FRMD4A: variants seen among roughly 807,000 people sequenced by gnomAD.
FRMD4A encodes FERM domain containing 4A, also known as FERM domain-containing protein 4A.
In FRMD4A, 29 loss-of-function variants were observed where a neutral mutation model predicts 129.1. The observed-to-expected ratio is 0.22, with a 90% CI of 0.17 to 0.31. The LOEUF is 0.31. Among genes scored for constraint, FRMD4A ranks in the 10% least tolerant of loss-of-function variants. The pLI is 1.00. For synonymous variants in FRMD4A, 634 were observed against 571.6 expected (o/e 1.11, Z -1.56); for missense variants, 1,272 against 1,375.8 (o/e 0.92, Z 1.19).
At chr10:14,086,449 T>A (rs1836282895) in intron 2 of FRMD4A, among the ~76,000 whole-genome samples, 1 of 152,248 alleles carries the variant, frequency 6.6e-6, no homozygotes, top group African/African-American at 2.4e-5. Flanking sequence ...CTTCATAGCT[T>A]ATTTTTTATA....
At chr10:13,964,607 T>C (rs889994048) in intron 2 of FRMD4A, among the ~76,000 whole-genome samples, 8 of 152,120 alleles carry the variant, frequency 5.3e-5, no homozygotes, top group Admixed American at 3.3e-4. Context: ...AAGATATTCA[T>C]GCATTCATTG....
At chr10:14,018,062 C>A (rs2095704707) in intron 2 of FRMD4A, among the ~76,000 whole-genome samples, 1 of 152,072 alleles carries the variant, frequency 6.6e-6, no homozygotes, top group Admixed American at 6.6e-5. Context: ...AATTTTAAAC[C>A]TCTATGGCAC....
intron 2 of FRMD4A, among the ~76,000 whole-genome samples, chr10:13,942,215 G>C (rs2095297614): frequency 6.6e-6 from 1 of 152,202 alleles, no homozygotes; most frequent in Admixed American, 6.5e-5. Flanking sequence ...AAATGAAACT[G>C]GGGAAGCCTC....
intron 2 of FRMD4A, among the ~76,000 whole-genome samples, chr10:14,159,464 T>G (rs1346693815): frequency 2.0e-5 from 3 of 152,094 alleles, no homozygotes; most frequent in African/African-American, 4.8e-5. Flanking sequence ...TGAAAGAAAC[T>G]GAAGAAGACA....
intron 2 of FRMD4A, among the ~76,000 whole-genome samples, chr10:14,288,177 C>A (rs2132071079): frequency 6.6e-6 from 1 of 152,218 alleles, no homozygotes; most frequent in Middle Eastern, 3.4e-3. Flanking sequence ...AGAGTTTAAT[C>A]AGGTTAGTTA....
chr10:13,920,534 G>A (rs2797867), intron 2 of FRMD4A, among the ~76,000 whole-genome samples: 138,913 of 152,276 alleles, frequency 0.91, 63,461 homozygotes, highest in Middle Eastern at 0.94. Flanking sequence ...CTTTGGTTGC[G>A]TACAAATTTG....
chr10:13,885,974 T>C (rs1387258450), intron 2 of FRMD4A, among the ~76,000 whole-genome samples: 1 of 152,092 alleles, frequency 6.6e-6, no homozygotes, highest in African/African-American at 2.4e-5. Context: ...GGCTGGCCAG[T>C]GGGAGTCGGG....
rs1267048697 is a variant in FRMD4A, at chr10:13,713,806, TAC to T, written c.760-6695_760-6694del. 1.8e-4 allele frequency among the ~76,000 whole-genome samples: 22 copies of T among 123,278 alleles called. 1 individual carries two copies. The highest frequency in any genetic ancestry group is 2.2e-4 in the Admixed American group (2 of 9,232). 80.9% of individuals were successfully genotyped at this position (123,278 alleles called of 152,430 possible). On this transcript the variant is annotated intron_variant, in intron 12 of 24. Coordinates refer to ENST00000357447, the MANE Select transcript of FRMD4A (RefSeq NM_018027.5). Reference sequence around the variant, plus strand: ...TATATATACATATATGTAATATATATACACATATATATAATATATATACATAT... The same window carrying T: ...TATATATACATATATGTAATATATATACATATATATAATATATATACATAT...
intron 4 of FRMD4A, among the ~76,000 whole-genome samples, chr10:13,796,871 C>T (rs1048315874): frequency 1.3e-5 from 2 of 152,152 alleles, no homozygotes; most frequent in East Asian, 3.9e-4. Context: ...AAGCATGAGC[C>T]ACCATGCCCG....
chr10:14,068,755 C>A (rs922816533), intron 2 of FRMD4A, among the ~76,000 whole-genome samples: 4 of 152,142 alleles, frequency 2.6e-5, no homozygotes, highest in African/African-American at 4.8e-5. Flanking sequence ...AAGACACTTA[C>A]TATATTAGGT....
intron 2 of FRMD4A, among the ~76,000 whole-genome samples, chr10:13,880,678 T>C (rs1000041669): frequency 1.3e-5 from 2 of 151,986 alleles, no homozygotes; most frequent in East Asian, 1.9e-4. Context: ...CCTCAGTGCC[T>C]TTGATGAATT....
chr10:13,750,294 G>A (rs2091551329), intron 8 of FRMD4A, among the ~76,000 whole-genome samples: 1 of 152,138 alleles, frequency 6.6e-6, no homozygotes, highest in Non-Finnish European at 1.5e-5. Context: ...GGTAAGGCCA[G>A]GACAGATCAA....
At chr10:14,131,396 G>GCCC (rs145039808) in intron 2 of FRMD4A, among the ~76,000 whole-genome samples, 37,165 of 147,842 alleles carry the variant, frequency 0.25, 4,939 homozygotes, top group East Asian at 0.45. Context: ...AACTCACTGT[G>GCCC]CCCCCCCCGG....
chr10:14,073,108 C>T (rs1445713445), intron 2 of FRMD4A, among the ~76,000 whole-genome samples: 2 of 152,214 alleles, frequency 1.3e-5, no homozygotes, highest in Admixed American at 1.3e-4. Context: ...TGCACCCTTA[C>T]CAGCTGTCCA....
intron 2 of FRMD4A, chr10:13,866,219 A>T (rs555804348): frequency 1.3e-6 from 1 of 763,974 alleles, no homozygotes; most frequent in Non-Finnish European, 1.6e-6. Context: ...CATCAGACAG[A>T]AAATTTAGAT....
At chr10:14,211,942 T>A (rs988612437) in intron 2 of FRMD4A, among the ~76,000 whole-genome samples, 8 of 152,208 alleles carry the variant, frequency 5.3e-5, no homozygotes, top group Non-Finnish European at 8.8e-5. Flanking sequence ...GGGAAGTGGC[T>A]GCCTGGTGTT....
At chr10:14,170,901 C>T (rs1409994383) in intron 2 of FRMD4A, among the ~76,000 whole-genome samples, 1 of 152,076 alleles carries the variant, frequency 6.6e-6, no homozygotes, top group East Asian at 1.9e-4. Flanking sequence ...TCAGATTACA[C>T]TCCTTACAGT....
chr10:14,168,709 G>A (rs1370207161), intron 2 of FRMD4A, among the ~76,000 whole-genome samples: 11 of 152,062 alleles, frequency 7.2e-5, no homozygotes, highest in Admixed American at 2.0e-4. Flanking sequence ...TTATTATGAC[G>A]TGCCAAGACC....
chr10:13,980,014 A>G (rs987850150), intron 2 of FRMD4A, among the ~76,000 whole-genome samples: 6 of 152,176 alleles, frequency 3.9e-5, no homozygotes, highest in Non-Finnish European at 5.9e-5. Flanking sequence ...CACGGCATTC[A>G]CAATGCTGGG....
Sources: gnomAD v4.1 joint callset for allele counts (sites outside exome capture counted in the v4.1 genomes callset) on GRCh38, gnomAD v4.1.1 for gene constraint, MANE v1.5 for transcripts, NCBI Gene and HGNC (gene_info 2026-07-23, HGNC 2026-07-21) for gene names.